TLE6: variants seen among roughly 807,000 people sequenced by gnomAD.
TLE6 encodes the protein TLE family member 6, subcortical maternal complex member, also known as transducin-like enhancer protein 6.
Under a neutral mutation model 77.1 loss-of-function variants are expected in TLE6, and 72 were observed. The ratio of observed to expected loss-of-function variants is 0.93; its 90% CI spans 0.77 to 1.14. The LOEUF (loss-of-function observed/expected upper bound fraction) is 1.14, where lower values mean the gene tolerates loss of function less well. TLE6 is among the 50% of genes most tolerant of loss of function. TLE6 has a pLI of 0.00. For synonymous variants in TLE6, 366 were observed against 287.3 expected (o/e 1.27, Z -2.77); for missense variants, 843 against 747.6 (o/e 1.13, Z -1.49).
At chr19:2,987,553 G>A in intron 8 of TLE6, 171 bp from the exon 9 acceptor site, 1 of 1,113,458 alleles carries the variant, frequency 9.0e-7, no homozygotes, top group Non-Finnish European at 1.3e-6. Context: ...AGGACCCACA[G>A]CCCAGGGCTT....
At chr19:2,978,123 G>A (rs374774785) in intron 1 of TLE6, 75 bp from the exon 2 acceptor site, 2 of 1,139,044 alleles carry the variant, frequency 1.8e-6, no homozygotes, top group East Asian at 2.6e-5. Flanking sequence ...TGCGGGTGGG[G>A]TAACGGGTGC....
intron 5 of TLE6, 64 bp from the exon 6 acceptor site, chr19:2,986,765 C>A: frequency 6.8e-7 from 1 of 1,470,378 alleles, no homozygotes; most frequent in Non-Finnish European, 9.3e-7. Context: ...GATAATCATG[C>A]TGTAGGATTG....
Position 2,995,045 on chromosome 19 carries a change from A to T in TLE6, c.*41A>T. On this transcript the variant is annotated 3_prime_UTR_variant, in exon 17 of 17. Coordinates refer to ENST00000246112, the MANE Select transcript of TLE6 (RefSeq NM_001143986.2). The stretch of plus-strand genomic sequence containing the variant: ...TCATCCCACTCCGGCTCCTCTTTTC[A>T]TCCCCCCCCTTCCCCCCCCCCAACA... 1.7e-6 allele frequency: 2 copies of T among 1,170,356 alleles called. No individual in the cohort carries two copies. The highest frequency in any genetic ancestry group is 2.4e-6 in the Non-Finnish European group (2 of 841,022). The allele number at this position is 1,170,356 out of a possible 1,614,324, so 72.5% of individuals were successfully genotyped here. A position where few individuals can be genotyped will look rare whatever the true frequency, so the allele number is the denominator to read the frequency against.
chr19:2,991,429 TATATA>T (rs1204821041), intron 13 of TLE6, among the ~76,000 whole-genome samples: 6 of 139,042 alleles, frequency 4.3e-5, no homozygotes, highest in East Asian at 4.3e-4. Context: ...CACACACATA[TATATA>T]ATATATGTAT....
chr19:2,993,563 C>T lies in TLE6; in HGVS notation c.1518C>T (p.Ser506=), dbSNP rs146879140. 81 of 1,573,486 alleles carry T rather than the reference C, an allele frequency of 5.1e-5. No individual in the cohort carries two copies. Among genetic ancestry groups the T allele is most frequent in the African/African-American group, 9.5e-5 (7 of 73,668 alleles). Residue 506 remains serine, a synonymous_variant, in exon 15 of 17, where the codon AGC becomes AGT. Coordinates refer to ENST00000246112, the MANE Select transcript of TLE6 (RefSeq NM_001143986.2). The part of the protein sequence containing the change: ...MVGQKDSVIL[S]VKFSPFGQWW... ...GGCAAAAAGACAGCGTCATCCTGAG[C>T]GTCAAGTTCTCCCCCTTTGGTAAGC...
intron 12 of TLE6, 21 bp from the exon 13 acceptor site, chr19:2,989,514 C>G: frequency 6.2e-7 from 1 of 1,602,744 alleles, no homozygotes; most frequent in Admixed American, 1.7e-5. Flanking sequence ...CGACAGCTCA[C>G]AGTGACTCTG....
chr19:2,987,638 G>A, intron 8 of TLE6, 86 bp from the exon 9 acceptor site: 2 of 1,469,656 alleles, frequency 1.4e-6, no homozygotes, highest in South Asian at 2.3e-5. Flanking sequence ...CAGCTGACAA[G>A]CCCTGTGCAA....
rs573128239 is a variant in TLE6 at position 2,994,949 on chromosome 19, G to A, written c.1664G>A (p.Arg555His). The change falls in exon 17 of 17, where the codon CGC (arginine) becomes CAC (histidine). Residue 555 changes from arginine (R) to histidine (H), a missense_variant. Transcript: ENST00000246112. Reference sequence around the variant, plus strand: ...TGCTGTGACGTCTCTTCCAACAACCGCCTCGTTGTCACAGGCTCCGGGGAG... The same window carrying A: ...TGCTGTGACGTCTCTTCCAACAACCACCTCGTTGTCACAGGCTCCGGGGAG... ...VTCCDVSSNN[R>H]LVVTGSGEHA... The A allele has an allele frequency of 4.4e-6, 7 of 1,608,760 alleles. No individual in the cohort carries two copies. Among genetic ancestry groups the A allele is most frequent in the South Asian group, 2.2e-5 (2 of 90,082 alleles).
At chr19:2,989,451 A>G (rs2088992585) in intron 12 of TLE6, 84 bp from the exon 13 acceptor site, 1 of 1,569,398 alleles carries the variant, frequency 6.4e-7, no homozygotes, top group Non-Finnish European at 8.6e-7. Context: ...TAAAGGATGA[A>G]TAGGAGTTCG....
intron 8 of TLE6, 113 bp downstream of exon 8, chr19:2,987,485 C>T (rs994903651): frequency 7.9e-5 from 117 of 1,475,568 alleles, no homozygotes; most frequent in Non-Finnish European, 1.0e-4. Context: ...TTCCATCCTG[C>T]CCCTCGGGTC....
At chr19:2,979,321 ACTGCAAC>A (rs2088747224) in intron 2 of TLE6, among the ~76,000 whole-genome samples, 1 of 150,506 alleles carries the variant, frequency 6.6e-6, no homozygotes, top group Non-Finnish European at 1.5e-5. Flanking sequence ...ATCTCGGCTC[ACTGCAAC>A]CTCCACCTCC....
chr19:2,992,813 G>GGGGGGGGC, intron 14 of TLE6, among the ~76,000 whole-genome samples: 1 of 44,278 alleles, frequency 2.3e-5, no homozygotes, highest in Non-Finnish European at 6.0e-5. Context: ...GCGGGTGGGG[G>GGGGGGGGC]GGGGGGAGGA....
Position 2,989,700 on chromosome 19 carries a change from G to A in TLE6, c.1159G>A (p.Ala387Thr). The change falls in exon 13 of 17, where the codon GCC (alanine) becomes ACC (threonine). Residue 387 changes from alanine (A) to threonine (T), a missense_variant. Coordinates refer to ENST00000246112, the MANE Select transcript of TLE6 (RefSeq NM_001143986.2). ...CAGLNCQALD[A>T]NLDANLAFAS... ...AGGTCTCAACTGCCAGGCCCTGGATGCCAACCTGGATGCCAACCTGGCCTT... is the reference window on the plus strand; with the variant it reads ...AGGTCTCAACTGCCAGGCCCTGGATACCAACCTGGATGCCAACCTGGCCTT... 1.2e-6 allele frequency: 2 copies of A among 1,614,114 alleles called. No individual in the cohort carries two copies. Among genetic ancestry groups the A allele is most frequent in the South Asian group, 1.1e-5 (1 of 91,076 alleles).
chr19:2,995,062 C>G lies in TLE6; in HGVS notation c.*58C>G. On this transcript the variant is annotated 3_prime_UTR_variant, in exon 17 of 17. Transcript: ENST00000246112. ...CTCTTTTCATCCCCCCCCTTCCCCC[C>G]CCCCAACAAGGGGGACATGGTGGAG... 8.7e-6 allele frequency: 9 copies of G among 1,029,504 alleles called. No homozygotes were observed. The highest frequency in any genetic ancestry group is 2.6e-5 in the East Asian group (1 of 37,998). The allele number at this position is 1,029,504 out of a possible 1,614,324, so 63.8% of individuals were successfully genotyped here.
At chr19:2,978,111 G>T in intron 1 of TLE6, 87 bp from the exon 2 acceptor site, 1 of 951,720 alleles carries the variant, frequency 1.1e-6, no homozygotes, top group Middle Eastern at 2.2e-4. Context: ...CAAACTGGGA[G>T]GTGCGGGTGG....
Position 2,978,295 on chromosome 19 carries a change from C to T in TLE6, c.51+11C>T, listed in dbSNP as rs2088720654. The T allele has an allele frequency of 6.4e-7, 1 of 1,551,242 alleles. No individual in the cohort carries two copies. The highest frequency in any genetic ancestry group is 1.4e-5 in the African/African-American group (1 of 73,140). ...CCGAAAAGCACTTCGGTGAGGAGGG[C>T]ATGTGGTGGGATCAGCCCTCAAGGG... On this transcript the variant is annotated intron_variant, in intron 2 of 16. Transcript: ENST00000246112.
chr19:2,985,828 C>T (rs545796850), intron 5 of TLE6, among the ~76,000 whole-genome samples: 3 of 151,024 alleles, frequency 2.0e-5, no homozygotes, highest in Non-Finnish European at 3.0e-5. Flanking sequence ...GTAATCCCAG[C>T]ACTTTGGGAG....
Position 2,986,855 on chromosome 19 carries a change from G to T in TLE6, c.249G>T (p.Glu83Asp). 1 of 1,551,752 alleles carries T rather than the reference G, an allele frequency of 6.4e-7. No homozygotes were observed. Among genetic ancestry groups the T allele is most frequent in the Non-Finnish European group, 8.7e-7 (1 of 1,147,002 alleles). Reference protein sequence around the residue: ...KQIGNVLQIVESCSQLQGFQS... With the variant: ...KQIGNVLQIVDSCSQLQGFQS... Reference sequence around the variant, plus strand: ...TAGGAAACGTCTTACAGATTGTGGAGAGCTGCAGCCAACTCCAGGGTTTCC... The same window carrying T: ...TAGGAAACGTCTTACAGATTGTGGATAGCTGCAGCCAACTCCAGGGTTTCC... Residue 83 changes from glutamate (E) to aspartate (D), a missense_variant, in exon 6 of 17, where the codon GAG becomes GAT. Coordinates refer to ENST00000246112, the MANE Select transcript of TLE6 (RefSeq NM_001143986.2).
intron 2 of TLE6, 26 bp from the exon 3 acceptor site, chr19:2,980,074 A>C (rs1456849626): frequency 3.2e-6 from 5 of 1,538,532 alleles, no homozygotes; most frequent in Non-Finnish European, 4.4e-6. Flanking sequence ...TGTAAGTTTT[A>C]TGTAACCTTG....
Sources: allele counts gnomAD v4.1 joint callset (sites outside exome capture counted in the v4.1 genomes callset), GRCh38; gene constraint gnomAD v4.1.1; transcripts MANE v1.5; gene names NCBI Gene and HGNC (gene_info 2026-07-23, HGNC 2026-07-21).